Variants in ENTREP2 observed in about 807,000 individuals in gnomAD.
The protein encoded by ENTREP2 is protein ENTREP2.
At chr15:29,318,185 T>C in the ENTREP2 span, among the ~76,000 whole-genome samples, 48,744 of 152,062 alleles carry the variant, frequency 0.32, 7,866 homozygotes, top group African/African-American at 0.37. Context: ...TGTTGATAAA[T>C]TGAAGGTTTG....
the ENTREP2 span, chr15:29,569,974 G>A: frequency 1.3e-5 from 2 of 152,050 alleles, no homozygotes; most frequent in African/African-American, 4.8e-5. Context: ...CGACCACAGG[G>A]GCCGCCCGGC....
At chr15:29,435,693 T>A in the ENTREP2 span, among the ~76,000 whole-genome samples, 6 of 151,854 alleles carry the variant, frequency 4.0e-5, no homozygotes, top group African/African-American at 1.5e-4. Flanking sequence ...CACATATATA[T>A]GTATATATAT....
chr15:29,384,768 C>T, the ENTREP2 span, among the ~76,000 whole-genome samples: 28 of 152,236 alleles, frequency 1.8e-4, no homozygotes, highest in South Asian at 4.6e-3. Flanking sequence ...CCCTCCCGGC[C>T]CCAGCCTCAG....
chr15:29,439,385 A>G, the ENTREP2 span, among the ~76,000 whole-genome samples: 2 of 152,036 alleles, frequency 1.3e-5, no homozygotes, highest in African/African-American at 2.4e-5. Context: ...CCAAAGGTCA[A>G]ATAACTTGAG....
chr15:29,367,077 A>T, the ENTREP2 span, among the ~76,000 whole-genome samples: 10 of 152,338 alleles, frequency 6.6e-5, no homozygotes, highest in South Asian at 2.1e-3. Flanking sequence ...AGTTGCTCAT[A>T]ACTCTGGAAA....
At chr15:29,612,368 G>GT in the ENTREP2 span, among the ~76,000 whole-genome samples, 1 of 152,226 alleles carries the variant, frequency 6.6e-6, no homozygotes, top group East Asian at 1.9e-4. Flanking sequence ...AGATGACGGC[G>GT]TGAGTTTGGT....
At chr15:29,172,737 C>T in the ENTREP2 span, among the ~76,000 whole-genome samples, 1 of 152,164 alleles carries the variant, frequency 6.6e-6, no homozygotes, top group Admixed American at 6.5e-5. Context: ...ACACACCCCA[C>T]ATCCAAATTC....
the ENTREP2 span, among the ~76,000 whole-genome samples, chr15:29,284,284 G>A: frequency 6.6e-6 from 1 of 152,192 alleles, no homozygotes; most frequent in South Asian, 2.1e-4. Context: ...GGGGCCGGGC[G>A]CGGTGGCTCA....
the ENTREP2 span, among the ~76,000 whole-genome samples, chr15:29,552,880 A>G: frequency 6.6e-6 from 1 of 152,198 alleles, no homozygotes; most frequent in Non-Finnish European, 1.5e-5. Flanking sequence ...TAACTCCTGA[A>G]AAGAACGGCA....
At chr15:29,575,799 G>A in the ENTREP2 span, among the ~76,000 whole-genome samples, 6 of 152,116 alleles carry the variant, frequency 3.9e-5, no homozygotes, top group African/African-American at 1.2e-4. Context: ...TTTAACCAAG[G>A]AAGTGAAGGC....
chr15:29,571,272 T>G, the ENTREP2 span, among the ~76,000 whole-genome samples: 10 of 152,100 alleles, frequency 6.6e-5, no homozygotes, highest in Non-Finnish European at 1.5e-4. Flanking sequence ...GGCATCAGCC[T>G]CCGCGGCGGA....
the ENTREP2 span, among the ~76,000 whole-genome samples, chr15:29,515,255 T>C: frequency 6.6e-6 from 1 of 152,166 alleles, no homozygotes; most frequent in African/African-American, 2.4e-5. Context: ...GACTGCTTTC[T>C]GGAGGTAGAT....
chr15:29,158,841 G>C, the ENTREP2 span, among the ~76,000 whole-genome samples: 1 of 151,996 alleles, frequency 6.6e-6, no homozygotes, highest in African/African-American at 2.4e-5. Context: ...TCTAATAAAT[G>C]ATGTATAGAA....
chr15:29,445,355 C>A, the ENTREP2 span, among the ~76,000 whole-genome samples: 1 of 152,134 alleles, frequency 6.6e-6, no homozygotes, highest in Admixed American at 6.5e-5. Context: ...GGGCTGATTG[C>A]CAAGTGAACC....
the ENTREP2 span, among the ~76,000 whole-genome samples, chr15:29,356,088 C>G: frequency 3.3e-5 from 5 of 151,804 alleles, no homozygotes; most frequent in South Asian, 1.0e-3. Context: ...TTTGCTGAAG[C>G]TCATTGAACT....
chr15:29,221,204 CTT>C, the ENTREP2 span, among the ~76,000 whole-genome samples: 11 of 143,526 alleles, frequency 7.7e-5, no homozygotes, highest in Non-Finnish European at 7.7e-5. Flanking sequence ...GCAAATGACA[CTT>C]TTTTTTTTTT....
the ENTREP2 span, among the ~76,000 whole-genome samples, chr15:29,218,123 G>A: frequency 6.6e-6 from 1 of 152,284 alleles, no homozygotes; most frequent in South Asian, 2.1e-4. Context: ...TCTCAGCGTG[G>A]ATATCAGTGC....
chr15:29,610,308 G>A, the ENTREP2 span: 9 of 150,620 alleles, frequency 6.0e-5, 1 homozygote, highest in East Asian at 1.8e-3. Context: ...TTAGATGTCA[G>A]CTGTCCATTT....
chr15:29,153,814 A>G, the ENTREP2 span, among the ~76,000 whole-genome samples: 30 of 152,138 alleles, frequency 2.0e-4, no homozygotes, highest in Admixed American at 1.4e-3. Context: ...TCTATGCTCC[A>G]TTTTTGTTCT....
Sources: allele counts gnomAD v4.1 joint callset (sites outside exome capture counted in the v4.1 genomes callset), GRCh38; gene constraint gnomAD v4.1.1; transcripts MANE v1.5; gene names NCBI Gene and HGNC (gene_info 2026-07-23, HGNC 2026-07-21).